Variants in ANO3 observed in about 807,000 individuals in gnomAD.
ANO3 encodes the protein anoctamin 3.
Under a neutral mutation model 144.8 loss-of-function variants are expected in ANO3, and 99 were observed. That is an observed-to-expected ratio of 0.68 (90% CI 0.58 to 0.81). The LOEUF (loss-of-function observed/expected upper bound fraction) is 0.81, where lower values mean the gene tolerates loss of function less well. Ranked by LOEUF, ANO3 falls within the 30% of genes least tolerant of loss-of-function variation. The pLI is 0.00. For missense variants in ANO3, 905 were observed against 1,202.2 expected, an observed-to-expected ratio of 0.75 and a Z score of 3.66; for synonymous variants, 414 against 392.6, an observed-to-expected ratio of 1.05 and a Z score of -0.64.
At chr11:26,381,856 G>T (rs377577152) in intron 1 of ANO3, among the ~76,000 whole-genome samples, 10 of 152,126 alleles carry the variant, frequency 6.6e-5, no homozygotes, top group African/African-American at 1.7e-4. Flanking sequence ...GTAGAGCAAA[G>T]AATTGGTATT....
At chr11:26,254,385 C>A (rs1018299539) in intron 1 of ANO3, among the ~76,000 whole-genome samples, 3 of 152,142 alleles carry the variant, frequency 2.0e-5, no homozygotes, top group African/African-American at 7.2e-5. Flanking sequence ...AATAAACTAT[C>A]TGGGCCAGAT....
chr11:26,257,064 AC>A (rs1275287865), intron 1 of ANO3, among the ~76,000 whole-genome samples: 2 of 152,248 alleles, frequency 1.3e-5, no homozygotes, highest in African/African-American at 4.8e-5. Flanking sequence ...TGCATATTTT[AC>A]CTAAAAGGAA....
At chr11:26,203,031 A>G (rs139023201) in intron 1 of ANO3, among the ~76,000 whole-genome samples, 172 of 152,204 alleles carry the variant, frequency 1.1e-3, no homozygotes, top group African/African-American at 4.0e-3. Context: ...CCAATTTGTA[A>G]TAGGATTTAA....
chr11:26,648,694 A>G lies in ANO3; in HGVS notation c.2576+838A>G, dbSNP rs182804159. ...TAAGGTATTGGGGGAAAAATGTAAG[A>G]GGGCATTGGATTTGAGGAACGGAGA... is the stretch of plus-strand genomic sequence containing the variant. On this transcript the variant is annotated intron_variant, in intron 24 of 26. Transcript: ENST00000256737. 1.6e-3 allele frequency among the ~76,000 whole-genome samples: 239 copies of G among 152,312 alleles called. 2 individuals carry two copies. Among genetic ancestry groups the G allele is most frequent in the Middle Eastern group, 3.4e-3 (1 of 294 alleles).
intron 4 of ANO3, among the ~76,000 whole-genome samples, chr11:26,497,930 T>A (rs1053015220): frequency 6.6e-6 from 1 of 152,016 alleles, no homozygotes; most frequent in Non-Finnish European, 1.5e-5. Context: ...TAAAGTCTTT[T>A]CTTTTGTATT....
At chr11:26,236,407 TG>T (rs1852522909) in intron 1 of ANO3, among the ~76,000 whole-genome samples, 1 of 140,322 alleles carries the variant, frequency 7.1e-6, no homozygotes, top group Non-Finnish European at 1.6e-5. Context: ...AAAAGTGTTT[TG>T]TTTGCTTTTT....
chr11:26,193,741 C>A (rs1255040285), intron 1 of ANO3, among the ~76,000 whole-genome samples: 1 of 152,022 alleles, frequency 6.6e-6, no homozygotes, highest in African/African-American at 2.4e-5. Flanking sequence ...TTGTACTTTT[C>A]TGAGCTACAT....
At chr11:26,474,790 G>A (rs1859900327) in intron 4 of ANO3, among the ~76,000 whole-genome samples, 1 of 151,700 alleles carries the variant, frequency 6.6e-6, no homozygotes. Flanking sequence ...ATGTAGCATA[G>A]ATAATCACTG....
At chr11:26,461,478 C>T (rs1859393628) in intron 3 of ANO3, among the ~76,000 whole-genome samples, 1 of 152,010 alleles carries the variant, frequency 6.6e-6, no homozygotes, top group Non-Finnish European at 1.5e-5. Context: ...GTATTTTTCT[C>T]AAATTCACTG....
chr11:26,429,192 T>C (rs1858006560), intron 1 of ANO3, among the ~76,000 whole-genome samples: 2 of 152,262 alleles, frequency 1.3e-5, no homozygotes, highest in South Asian at 2.1e-4. Context: ...TGCTGACCAC[T>C]GATACTACTG....
At chr11:26,299,023 G>C (rs1854156364) in intron 1 of ANO3, among the ~76,000 whole-genome samples, 1 of 152,190 alleles carries the variant, frequency 6.6e-6, no homozygotes, top group African/African-American at 2.4e-5. Flanking sequence ...CTGGACTGGA[G>C]ATGTACGTTT....
intron 17 of ANO3, among the ~76,000 whole-genome samples, chr11:26,608,336 C>T (rs1472051274): frequency 6.6e-6 from 1 of 152,154 alleles, no homozygotes; most frequent in Non-Finnish European, 1.5e-5. Flanking sequence ...TCTCTGACCT[C>T]CAGGAGCACC....
At chr11:26,642,845 T>C (rs1224998782) in intron 22 of ANO3, among the ~76,000 whole-genome samples, 1 of 151,882 alleles carries the variant, frequency 6.6e-6, no homozygotes, top group Non-Finnish European at 1.5e-5. Context: ...TTCTTTCTTC[T>C]TCCTCCTCCT....
At position 26,332,205 on chromosome 11, in the gene ANO3, G is replaced by C. The variant is rs1300842108; in HGVS notation, c.-71G>C. Reference sequence around the variant, plus strand: ...GAGGCTCCGGACCTTGGAGCGTCTAGAGTCTGGCTACTGTTCCTCCGCCTC... The same window carrying C: ...GAGGCTCCGGACCTTGGAGCGTCTACAGTCTGGCTACTGTTCCTCCGCCTC... On this transcript the variant is annotated 5_prime_UTR_variant, in exon 1 of 27. Transcript: ENST00000256737. 33 of 1,613,852 alleles carry C rather than the reference G, an allele frequency of 2.0e-5. No homozygotes were observed. The highest frequency in any genetic ancestry group is 2.5e-5 in the Non-Finnish European group (30 of 1,179,914).
chr11:26,622,421 G>A (rs1419678790), intron 17 of ANO3, among the ~76,000 whole-genome samples: 5 of 137,990 alleles, frequency 3.6e-5, no homozygotes, highest in East Asian at 4.4e-4. Flanking sequence ...ATGCCCAAAA[G>A]CCATCTCTGA....
At chr11:26,546,182 TC>T (rs1383513550) in intron 11 of ANO3, among the ~76,000 whole-genome samples, 1 of 151,930 alleles carries the variant, frequency 6.6e-6, no homozygotes, top group East Asian at 1.9e-4. Context: ...TGTTTTTTTT[TC>T]AATACCTATT....
chr11:26,469,129 A>G (rs1228652643), intron 4 of ANO3, among the ~76,000 whole-genome samples: 1 of 151,878 alleles, frequency 6.6e-6, no homozygotes, highest in Non-Finnish European at 1.5e-5. Context: ...CCTCCCTGCA[A>G]CCCTAAAAGG....
At chr11:26,501,137 T>C (rs1303534968) in intron 4 of ANO3, among the ~76,000 whole-genome samples, 3 of 152,160 alleles carry the variant, frequency 2.0e-5, no homozygotes, top group East Asian at 1.9e-4. Context: ...AGAACACAGA[T>C]ACTTGGCCTT....
At chr11:26,403,061 GTT>G (rs1339808364) in intron 1 of ANO3, among the ~76,000 whole-genome samples, 1 of 151,638 alleles carries the variant, frequency 6.6e-6, no homozygotes, top group African/African-American at 2.4e-5. Flanking sequence ...GTTTTGTTTC[GTT>G]TTGTTTTTGT....
Sources: allele counts gnomAD v4.1 joint callset (sites outside exome capture counted in the v4.1 genomes callset), GRCh38; gene constraint gnomAD v4.1.1; transcripts MANE v1.5; gene names NCBI Gene and HGNC (gene_info 2026-07-23, HGNC 2026-07-21).